PCDH9: variants seen among roughly 807,000 people sequenced by gnomAD.
The protein encoded by PCDH9 is protocadherin-9.
PCDH9 carries 24 observed loss-of-function variants against 70.6 expected under a neutral mutation model. That is an observed-to-expected ratio of 0.34 (90% confidence interval 0.25 to 0.48). The LOEUF (loss-of-function observed/expected upper bound fraction) is 0.48, where lower values mean the gene tolerates loss of function less well. Among genes scored for constraint, PCDH9 ranks in the 20% least tolerant of loss-of-function variants. The probability of loss-of-function intolerance (pLI) is 0.99; values close to 1 mark genes in which losing one functional copy is unlikely to be tolerated. For missense variants in PCDH9, 1,281 were observed against 1,503.6 expected (o/e 0.85, Z 2.45); for synonymous variants, 562 against 558.5 (o/e 1.01, Z -0.09).
At chr13:66,704,873 A>T (rs2078691043) in intron 3 of PCDH9, among the ~76,000 whole-genome samples, 1 of 152,178 alleles carries the variant, frequency 6.6e-6, no homozygotes, top group Non-Finnish European at 1.5e-5. Flanking sequence ...ATTTGGCTAA[A>T]TAATACATTG....
intron 3 of PCDH9, among the ~76,000 whole-genome samples, chr13:66,656,798 G>A (rs773460091): frequency 1.3e-5 from 2 of 152,216 alleles, no homozygotes; most frequent in Non-Finnish European, 2.9e-5. Flanking sequence ...TATGATATGA[G>A]TTAGGTACAG....
chr13:66,766,393 T>C (rs1459650626), intron 3 of PCDH9, among the ~76,000 whole-genome samples: 1 of 151,950 alleles, frequency 6.6e-6, no homozygotes, highest in African/African-American at 2.4e-5. Flanking sequence ...ATACATCCAA[T>C]CATTCCCAAA....
Position 66,774,358 on chromosome 13 carries a change from G to A in PCDH9, c.3138+129146C>T, listed in dbSNP as rs982488196. The stretch of plus-strand genomic sequence containing the variant: ...ATCACCTTCTGCTTCTGTGTTGAGA[G>A]GAAGAAAGCAGCTCCCAAACAGATG... On this transcript the variant is annotated intron_variant, in intron 3 of 4. Transcript: ENST00000377865. Among the ~76,000 whole-genome samples, 7 of 152,170 alleles carry A rather than the reference G, an allele frequency of 4.6e-5. No homozygotes were observed. The South Asian group carries it at 1.5e-3, about 32-fold the overall frequency.
intron 2 of PCDH9, among the ~76,000 whole-genome samples, chr13:67,189,797 T>G (rs1034720083): frequency 6.6e-6 from 1 of 151,618 alleles, no homozygotes; most frequent in African/African-American, 2.4e-5. Context: ...TCATTCCAGA[T>G]AGAGAGAAAA....
chr13:67,092,295 G>T (rs565886326), intron 2 of PCDH9, among the ~76,000 whole-genome samples: 3 of 151,794 alleles, frequency 2.0e-5, no homozygotes, highest in Non-Finnish European at 4.4e-5. Flanking sequence ...CTCTATCCCT[G>T]GCAGATTTTT....
intron 2 of PCDH9, among the ~76,000 whole-genome samples, chr13:67,143,717 T>C (rs1446597825): frequency 2.0e-5 from 3 of 152,158 alleles, no homozygotes; most frequent in East Asian, 3.9e-4. Context: ...GGAACACTGC[T>C]GGCCAAACAA....
At chr13:66,317,375 T>A (rs1955673282) in intron 4 of PCDH9, among the ~76,000 whole-genome samples, 1 of 152,192 alleles carries the variant, frequency 6.6e-6, no homozygotes, top group Admixed American at 6.5e-5. Context: ...TATAGCATAA[T>A]ATTTTTAATA....
intron 4 of PCDH9, among the ~76,000 whole-genome samples, chr13:66,387,586 CG>C (rs1313914052): frequency 6.6e-6 from 1 of 151,474 alleles, no homozygotes; most frequent in Non-Finnish European, 1.5e-5. Context: ...CTCCTTTCTC[CG>C]TCTCATCCTT....
intron 2 of PCDH9, among the ~76,000 whole-genome samples, chr13:67,115,922 T>C (rs2086761004): frequency 6.6e-6 from 1 of 152,192 alleles, no homozygotes; most frequent in Non-Finnish European, 1.5e-5. Flanking sequence ...TAAAGAATGG[T>C]AGCACAGCTT....
intron 2 of PCDH9, among the ~76,000 whole-genome samples, chr13:67,026,421 A>T (rs2084782236): frequency 6.6e-6 from 1 of 152,276 alleles, no homozygotes; most frequent in South Asian, 2.1e-4. Flanking sequence ...TCTCAAAATA[A>T]TAAGAGCTAT....
At chr13:66,906,801 C>T (rs1323797619) in intron 2 of PCDH9, among the ~76,000 whole-genome samples, 1 of 151,736 alleles carries the variant, frequency 6.6e-6, no homozygotes, top group South Asian at 2.1e-4. Context: ...TATAAATACC[C>T]AAACTTTTAA....
intron 3 of PCDH9, among the ~76,000 whole-genome samples, chr13:66,748,748 A>C (rs1466359963): frequency 6.6e-6 from 1 of 152,220 alleles, no homozygotes; most frequent in Non-Finnish European, 1.5e-5. Flanking sequence ...AAGGATACAC[A>C]CACAAACACA....
intron 4 of PCDH9, among the ~76,000 whole-genome samples, chr13:66,627,888 G>C (rs956164345): frequency 3.3e-5 from 5 of 152,138 alleles, no homozygotes; most frequent in African/African-American, 7.2e-5. Flanking sequence ...TTTCCATTTG[G>C]CACCTGGCCC....
intron 2 of PCDH9, among the ~76,000 whole-genome samples, chr13:67,013,008 A>ATG (rs944276514): frequency 6.6e-6 from 1 of 151,754 alleles, no homozygotes; most frequent in Admixed American, 6.6e-5. Flanking sequence ...CAATGTGTGC[A>ATG]TGTGTGTGTG....
intron 4 of PCDH9, among the ~76,000 whole-genome samples, chr13:66,590,421 C>A (rs1265011684): frequency 6.6e-6 from 1 of 151,770 alleles, no homozygotes; most frequent in African/African-American, 2.4e-5. Context: ...AAGTCTTTTT[C>A]AAAGTTATCT....
At chr13:66,617,606 A>G (rs1055668149) in intron 4 of PCDH9, among the ~76,000 whole-genome samples, 2 of 152,148 alleles carry the variant, frequency 1.3e-5, no homozygotes, top group Non-Finnish European at 2.9e-5. Flanking sequence ...ATGCCGGCAA[A>G]ACAGTAAAGT....
At chr13:67,048,091 C>T (rs1354530348) in intron 2 of PCDH9, among the ~76,000 whole-genome samples, 1 of 152,132 alleles carries the variant, frequency 6.6e-6, no homozygotes, top group Non-Finnish European at 1.5e-5. Context: ...ACCTCAAAAA[C>T]CTAGGACTCT....
chr13:66,326,531 G>C (rs1208203075), intron 4 of PCDH9, among the ~76,000 whole-genome samples: 1 of 151,908 alleles, frequency 6.6e-6, no homozygotes, highest in East Asian at 1.9e-4. Context: ...CCATTCTCCT[G>C]CCTCAGCCTC....
intron 2 of PCDH9, among the ~76,000 whole-genome samples, chr13:67,137,019 T>G (rs986435463): frequency 6.6e-6 from 1 of 152,060 alleles, no homozygotes; most frequent in African/African-American, 2.4e-5. Context: ...TAAATCATTA[T>G]GTAAATGATG....
Sources: allele counts gnomAD v4.1 joint callset (sites outside exome capture counted in the v4.1 genomes callset), GRCh38; gene constraint gnomAD v4.1.1; transcripts MANE v1.5; gene names NCBI Gene and HGNC (gene_info 2026-07-23, HGNC 2026-07-21).